FNDC3B: variants seen among roughly 807,000 people sequenced by gnomAD.
FNDC3B encodes the protein fibronectin type III domain containing 3B.
Under a neutral mutation model 151.5 loss-of-function variants are expected in FNDC3B, and 12 were observed. That is an observed-to-expected ratio of 0.08 (90% CI 0.05 to 0.13). The LOEUF is 0.13. FNDC3B is among the 10% of genes least tolerant of loss of function. FNDC3B has a pLI of 1.00. For missense variants in FNDC3B, 1,214 were observed against 1,505.3 expected, an observed-to-expected ratio of 0.81 and a Z score of 3.20; for synonymous variants, 528 against 549.0, an observed-to-expected ratio of 0.96 and a Z score of 0.54.
chr3:172,050,733 G>GTA (rs1553866363), intron 1 of FNDC3B, among the ~76,000 whole-genome samples: 1 of 137,814 alleles, frequency 7.3e-6, no homozygotes, highest in African/African-American at 2.6e-5. Context: ...GTGTGTGTGT[G>GTA]TATAGTGTGT....
intron 3 of FNDC3B, among the ~76,000 whole-genome samples, chr3:172,209,277 T>A (rs1725600093): frequency 6.6e-6 from 1 of 152,158 alleles, no homozygotes. Context: ...GGCTGTAGTG[T>A]TACAGCCCCT....
chr3:172,330,193 A>G (rs1448848737), intron 12 of FNDC3B: 1 of 173,626 alleles, frequency 5.8e-6, no homozygotes, highest in Non-Finnish European at 1.2e-5. Flanking sequence ...TATAACCTAC[A>G]CACATCCTTC....
chr3:172,056,072 C>G (rs968176981), intron 1 of FNDC3B, among the ~76,000 whole-genome samples: 17 of 152,114 alleles, frequency 1.1e-4, no homozygotes, highest in African/African-American at 3.9e-4. Context: ...TGAGCCACTG[C>G]GCCCGGCCTG....
At chr3:172,064,423 C>T (rs952191258) in intron 1 of FNDC3B, among the ~76,000 whole-genome samples, 4 of 152,230 alleles carry the variant, frequency 2.6e-5, no homozygotes, top group African/African-American at 9.6e-5. Flanking sequence ...TATAATCTAT[C>T]TGCTGCTTAA....
At chr3:172,042,581 T>C (rs1196834856) in intron 1 of FNDC3B, among the ~76,000 whole-genome samples, 2 of 152,234 alleles carry the variant, frequency 1.3e-5, no homozygotes, top group Non-Finnish European at 2.9e-5. Context: ...TGTGCTTTTA[T>C]ACATTATCTC....
chr3:172,217,555 T>C (rs1030066952), intron 3 of FNDC3B, among the ~76,000 whole-genome samples: 14 of 53,488 alleles, frequency 2.6e-4, no homozygotes, highest in Non-Finnish European at 6.5e-4. Context: ...TTTCAATTCC[T>C]TACATCTTGC....
intron 6 of FNDC3B, among the ~76,000 whole-genome samples, chr3:172,259,336 C>A (rs545244872): frequency 6.6e-6 from 1 of 152,140 alleles, no homozygotes. Flanking sequence ...CAATTAACAT[C>A]GCCACTTCCA....
intron 1 of FNDC3B, among the ~76,000 whole-genome samples, chr3:172,057,536 G>A (rs1716973646): frequency 6.6e-6 from 1 of 152,134 alleles, no homozygotes; most frequent in Admixed American, 6.5e-5. Flanking sequence ...AGGGGTTGGG[G>A]GGAAGAACAA....
chr3:172,215,329 C>G (rs1355517735), intron 3 of FNDC3B, among the ~76,000 whole-genome samples: 1 of 152,206 alleles, frequency 6.6e-6, no homozygotes, highest in African/African-American at 2.4e-5. Flanking sequence ...AGTGGGGGTA[C>G]ATGGAGGAAG....
intron 3 of FNDC3B, among the ~76,000 whole-genome samples, chr3:172,163,694 A>G (rs532656792): frequency 1.3e-5 from 2 of 152,156 alleles, no homozygotes; most frequent in Non-Finnish European, 2.9e-5. Flanking sequence ...GTAGTTTTCT[A>G]GCTTCTGTGT....
In FNDC3B at chr3:172,381,054, T is replaced by C; in HGVS notation, c.3264T>C (p.Ile1088=). 2.5e-6 allele frequency: 4 copies of C among 1,613,808 alleles called. No homozygotes were observed. Among genetic ancestry groups the C allele is most frequent in the South Asian group, 1.1e-5 (1 of 91,084 alleles). Reference sequence around the variant, plus strand: ...TGAAAGGTGACCCTGTTAACTACATTCTGCAGGTATTGGTTGGAAGAGAAT... The same window carrying C: ...TGAAAGGTGACCCTGTTAACTACATCCTGCAGGTATTGGTTGGAAGAGAAT... ...PSMKGDPVNY[I]LQVLVGRESE... is the part of the protein sequence containing the mutation. The change falls in exon 25 of 26, where the codon ATT becomes ATC. Residue 1088 remains isoleucine, a synonymous_variant. Transcript: ENST00000415807.
intron 23 of FNDC3B, among the ~76,000 whole-genome samples, chr3:172,364,749 C>T (rs1188706564): frequency 6.6e-6 from 1 of 152,194 alleles, no homozygotes; most frequent in Non-Finnish European, 1.5e-5. Context: ...GTAATCAATA[C>T]ATGTTGTTTC....
chr3:172,090,730 G>A (rs997716375), intron 1 of FNDC3B, among the ~76,000 whole-genome samples: 7 of 152,052 alleles, frequency 4.6e-5, no homozygotes, highest in Admixed American at 3.3e-4. Context: ...AATCCAAAAT[G>A]CTCCAAAATC....
At chr3:172,186,957 G>A (rs920203994) in intron 3 of FNDC3B, 3 of 512,744 alleles carry the variant, frequency 5.9e-6, no homozygotes, top group Non-Finnish European at 1.0e-5. Flanking sequence ...CTAGCTAAAA[G>A]CAAGGAACTA....
intron 7 of FNDC3B, among the ~76,000 whole-genome samples, chr3:172,287,427 G>A (rs992824390): frequency 9.9e-5 from 15 of 152,218 alleles, no homozygotes; most frequent in Admixed American, 3.9e-4. Flanking sequence ...CACATGCATA[G>A]CAATGATACT....
chr3:172,397,061 T>C, intron 25 of FNDC3B, 103 bp from the exon 26 acceptor site: 1 of 842,808 alleles, frequency 1.2e-6, no homozygotes, highest in Non-Finnish European at 1.9e-6. Flanking sequence ...AGAGTGAATG[T>C]GAATATAAAC....
At chr3:172,187,741 C>T (rs2108663411) in intron 3 of FNDC3B, among the ~76,000 whole-genome samples, 1 of 152,084 alleles carries the variant, frequency 6.6e-6, no homozygotes, top group African/African-American at 2.4e-5. Flanking sequence ...GTGTTCCTCC[C>T]ATCTCATTGT....
chr3:172,228,682 G>A (rs905683467), intron 4 of FNDC3B, among the ~76,000 whole-genome samples: 3 of 152,116 alleles, frequency 2.0e-5, no homozygotes, highest in African/African-American at 7.2e-5. Context: ...CGGCTGACAG[G>A]TATGGCAGAA....
At chr3:172,343,598 G>A (rs150917087) in intron 18 of FNDC3B, among the ~76,000 whole-genome samples, 10 of 152,254 alleles carry the variant, frequency 6.6e-5, no homozygotes, top group South Asian at 2.1e-4. Context: ...CTGTATTAGC[G>A]TTTCCTGTTG....
Sources: allele counts gnomAD v4.1 joint callset (sites outside exome capture counted in the v4.1 genomes callset), GRCh38; gene constraint gnomAD v4.1.1; transcripts MANE v1.5; gene names NCBI Gene and HGNC (gene_info 2026-07-23, HGNC 2026-07-21).